The following TRIM49C variants were observed in gnomAD, a reference collection of about 807,000 sequenced individuals.
TRIM49C encodes the protein tripartite motif-containing protein 49C.
Under a neutral mutation model 21.4 loss-of-function variants are expected in TRIM49C, and 6 were observed. The ratio of observed to expected loss-of-function variants is 0.28; its 90% confidence interval spans 0.15 to 0.55. The LOEUF is 0.55. Among genes scored for constraint, TRIM49C ranks in the 20% least tolerant of loss-of-function variants. The pLI is 0.94. For missense variants in TRIM49C, 161 were observed against 442.4 expected, an observed-to-expected ratio of 0.36 and a Z score of 5.71; for synonymous variants, 57 against 148.1, an observed-to-expected ratio of 0.38 and a Z score of 4.47.
the TRIM49C span, chr11:90,071,796 G>A: frequency 9.3e-7 from 1 of 1,072,198 alleles, no homozygotes; most frequent in Non-Finnish European, 1.4e-6. Context: ...CTTCCGAGGT[G>A]AGTGTGGCCC....
At chr11:90,063,099 A>G in the TRIM49C span, 3 of 954,628 alleles carry the variant, frequency 3.1e-6, no homozygotes, top group East Asian at 2.7e-5. Context: ...TTCTTTGTCT[A>G]CTTGAGCTCT....
chr11:90,043,671 G>A (rs1273203023), downstream of TRIM49C, among the ~76,000 whole-genome samples: 1 of 121,524 alleles, frequency 8.2e-6, no homozygotes, highest in African/African-American at 3.4e-5. Flanking sequence ...ATAGTCTCAT[G>A]TCTAGAGGAT....
rs1950702363 is a variant in TRIM49C at position 90,033,651 on chromosome 11, T to C, written c.-5+1069T>C. Among the ~76,000 whole-genome samples, 2 of 134,572 alleles carry C rather than the reference T, an allele frequency of 1.5e-5. 1 individual carries two copies. The highest frequency in any genetic ancestry group is 5.3e-5 in the African/African-American group (2 of 37,546). 88.3% of individuals were successfully genotyped at this position (134,572 alleles called of 152,430 possible). On this transcript the variant is annotated intron_variant, in intron 2 of 7. Coordinates refer to ENST00000448984, the MANE Select transcript of TRIM49C (RefSeq NM_001195234.1). Reference sequence around the variant, plus strand: ...GGTATATTCTATCATATTAAAACAATGAAACCGCCTGGCTGGGCACTGTGG... The same window carrying C: ...GGTATATTCTATCATATTAAAACAACGAAACCGCCTGGCTGGGCACTGTGG...
At chr11:90,042,385 C>A (rs1950776737), downstream of TRIM49C, among the ~76,000 whole-genome samples, 1 of 132,130 alleles carries the variant, frequency 7.6e-6, no homozygotes, top group African/African-American at 2.8e-5. Context: ...AGATATTCAC[C>A]CCAACATACA....
chr11:90,051,625 G>A, the TRIM49C span, among the ~76,000 whole-genome samples: 1 of 102,442 alleles, frequency 9.8e-6, no homozygotes, highest in East Asian at 3.2e-4. Context: ...TCTCTAAAGG[G>A]AGCCTTTTAG....
At chr11:90,063,232 C>G in the TRIM49C span, among the ~76,000 whole-genome samples, 2 of 124,630 alleles carry the variant, frequency 1.6e-5, no homozygotes, top group Non-Finnish European at 3.2e-5. Context: ...CCCTGACATA[C>G]CAAGATCCTA....
chr11:90,056,203 G>A, the TRIM49C span, among the ~76,000 whole-genome samples: 7 of 136,226 alleles, frequency 5.1e-5, 1 homozygote, highest in African/African-American at 5.2e-5. Flanking sequence ...CTTGTGATCC[G>A]CCCGCCTCGG....
downstream of TRIM49C, among the ~76,000 whole-genome samples, chr11:90,046,146 G>C (rs892428699): frequency 1.0e-4 from 13 of 124,228 alleles, 5 homozygotes; most frequent in African/African-American, 4.2e-4. Context: ...GCTCTTGGTG[G>C]ATAAGCTTTT....
the TRIM49C span, among the ~76,000 whole-genome samples, chr11:90,072,021 T>C: frequency 1.4e-5 from 2 of 141,404 alleles, no homozygotes; most frequent in Non-Finnish European, 1.5e-5. Context: ...AGAAGGGCTT[T>C]TTAGGACGTA....
At chr11:90,069,099 GT>G in the TRIM49C span, among the ~76,000 whole-genome samples, 4 of 100,512 alleles carry the variant, frequency 4.0e-5, 1 homozygote, top group South Asian at 3.7e-4. Flanking sequence ...GTTTTGTTTT[GT>G]TTTTGTTTTT....
the TRIM49C span, chr11:90,053,748 G>A: frequency 7.0e-6 from 1 of 143,642 alleles, no homozygotes; most frequent in Admixed American, 7.3e-5. Context: ...CGGAGGCGTG[G>A]GCGGGGGATC....
At chr11:90,073,365 C>T in the TRIM49C span, 4 of 659,312 alleles carry the variant, frequency 6.1e-6, no homozygotes, top group African/African-American at 8.2e-5. Context: ...CCTGTCAGGT[C>T]TTTCTTTTAC....
rs540204 is a variant in TRIM49C, at chr11:90,031,960, G to A, written c.-190-437G>A. Among the ~76,000 whole-genome samples, 278 of 129,354 alleles carry A rather than the reference G, an allele frequency of 2.1e-3. 46 individuals carry two copies. Among genetic ancestry groups the A allele is most frequent in the African/African-American group, 7.5e-3 (266 of 35,630 alleles). 84.9% of individuals were successfully genotyped at this position (129,354 alleles called of 152,430 possible). A position where few individuals can be genotyped will look rare whatever the true frequency, so the allele number is the denominator to read the frequency against. On this transcript the variant is annotated intron_variant, in intron 1 of 7. Transcript: ENST00000448984. ...ATGGGCTACAGAGTCATACACTGAC[G>A]TTACCAAAAATTTCAACAAAAAAAA...
the TRIM49C span, among the ~76,000 whole-genome samples, chr11:90,066,730 A>T: frequency 1.6e-3 from 203 of 128,972 alleles, 18 homozygotes; most frequent in African/African-American, 5.1e-3. Flanking sequence ...TTCATATTTT[A>T]AAAATTATAT....
At chr11:90,053,495 G>A in the TRIM49C span, 1 of 157,176 alleles carries the variant, frequency 6.4e-6, no homozygotes, top group South Asian at 1.7e-4. Flanking sequence ...CGCGCCTCCA[G>A]GACGCCCTCC....
chr11:90,047,017 C>T (rs1423936422), downstream of TRIM49C, among the ~76,000 whole-genome samples: 1 of 123,914 alleles, frequency 8.1e-6, no homozygotes, highest in East Asian at 2.6e-4. Flanking sequence ...GCCTTCATTT[C>T]GTTATGTACC....
At chr11:90,048,615 A>G in the TRIM49C span, among the ~76,000 whole-genome samples, 1 of 134,140 alleles carries the variant, frequency 7.5e-6, no homozygotes, top group Non-Finnish European at 1.6e-5. Context: ...TTTCACCTCC[A>G]TCAGGTCATT....
At chr11:90,056,146 G>C in the TRIM49C span, among the ~76,000 whole-genome samples, 4 of 135,754 alleles carry the variant, frequency 2.9e-5, 1 homozygote, top group Middle Eastern at 7.3e-3. Context: ...ATTTTTAGTA[G>C]AGACGGGGTT....
At chr11:90,068,563 T>C in the TRIM49C span, among the ~76,000 whole-genome samples, 2 of 145,238 alleles carry the variant, frequency 1.4e-5, no homozygotes, top group South Asian at 4.5e-4. Flanking sequence ...TTCTTCAAAA[T>C]ATCAAGTGCC....
Sources: allele counts gnomAD v4.1 joint callset (sites outside exome capture counted in the v4.1 genomes callset), GRCh38; gene constraint gnomAD v4.1.1; transcripts MANE v1.5; gene names NCBI Gene and HGNC (gene_info 2026-07-23, HGNC 2026-07-21).